The following DPP6 variants were observed in gnomAD, a reference collection of about 807,000 sequenced individuals.
DPP6 encodes the protein A-type potassium channel modulatory protein DPP6.
Under a neutral mutation model 122.6 loss-of-function variants are expected in DPP6, and 69 were observed. The ratio of observed to expected loss-of-function variants is 0.56; its 90% confidence interval spans 0.46 to 0.69. DPP6 has a LOEUF of 0.69. Among genes scored for constraint, DPP6 ranks in the 30% least tolerant of loss-of-function variants. DPP6 has a pLI of 0.00. For synonymous variants in DPP6, 418 were observed against 433.1 expected, an observed-to-expected ratio of 0.97 and a Z score of 0.43; for missense variants, 928 against 1,116.9, an observed-to-expected ratio of 0.83 and a Z score of 2.41.
intron 1 of DPP6, among the ~76,000 whole-genome samples, chr7:154,073,553 T>C (rs1803282429): frequency 6.6e-6 from 1 of 152,246 alleles, no homozygotes; most frequent in Non-Finnish European, 1.5e-5. Context: ...TACTTTTCTA[T>C]ACTTACCTTT....
chr7:154,430,677 A>G (rs975955034), intron 1 of DPP6, among the ~76,000 whole-genome samples: 4 of 152,152 alleles, frequency 2.6e-5, no homozygotes, highest in Admixed American at 6.5e-5. Flanking sequence ...TGGTGTTTGC[A>G]TAGGTCATGG....
At chr7:154,522,650 C>T (rs1334419710) in intron 3 of DPP6, among the ~76,000 whole-genome samples, 1 of 152,100 alleles carries the variant, frequency 6.6e-6, no homozygotes. Context: ...TTGCCTTCCT[C>T]TGACAATTTT....
intron 1 of DPP6, among the ~76,000 whole-genome samples, chr7:154,138,282 A>G (rs28397686): frequency 0.058 from 8,802 of 152,256 alleles, 838 homozygotes; most frequent in African/African-American, 0.2. Flanking sequence ...AACTAGTACT[A>G]TTTATGTAAA....
At chr7:153,793,664 C>T in the DPP6 span, among the ~76,000 whole-genome samples, 3 of 149,768 alleles carry the variant, frequency 2.0e-5, no homozygotes, top group Non-Finnish European at 4.5e-5. Flanking sequence ...GGGAAAATGT[C>T]TCCAGGCCAC....
At chr7:154,818,349 A>C (rs1018026803) in intron 16 of DPP6, among the ~76,000 whole-genome samples, 26 of 152,170 alleles carry the variant, frequency 1.7e-4, no homozygotes, top group African/African-American at 5.3e-4. Context: ...ATCCTTCCAG[A>C]GTGGCTCAGG....
At chr7:154,374,164 C>A (rs1405474597) in intron 1 of DPP6, among the ~76,000 whole-genome samples, 1 of 146,826 alleles carries the variant, frequency 6.8e-6, no homozygotes, top group Non-Finnish European at 1.5e-5. Flanking sequence ...TGGAGTTAGA[C>A]AGACTCCAGT....
At chr7:154,001,338 G>A (rs1467546617) in intron 1 of DPP6, among the ~76,000 whole-genome samples, 2 of 147,214 alleles carry the variant, frequency 1.4e-5, no homozygotes, top group East Asian at 2.0e-4. Flanking sequence ...CATCAATTAT[G>A]TATGTACTTA....
At position 154,894,083 on chromosome 7, in the gene DPP6, T is replaced by C. The variant is rs1806857749; in HGVS notation, c.*1603T>C. ...TTTAAAGGTGATTCACCACCATTTGTGAAAGGACCAACGTGCTGATAAACA... is the reference window on the plus strand; with the variant it reads ...TTTAAAGGTGATTCACCACCATTTGCGAAAGGACCAACGTGCTGATAAACA... On this transcript the variant is annotated 3_prime_UTR_variant, in exon 26 of 26. Coordinates refer to ENST00000377770, the MANE Select transcript of DPP6 (RefSeq NM_130797.4). The C allele has an allele frequency of 6.6e-6, 1 of 152,208 alleles. No homozygotes were observed. Among genetic ancestry groups the C allele is most frequent in the Admixed American group, 6.5e-5 (1 of 15,286 alleles). The allele number at this position is 152,208 out of a possible 1,614,324, so 9.4% of individuals were successfully genotyped here.
intron 1 of DPP6, among the ~76,000 whole-genome samples, chr7:154,019,195 G>C: frequency 6.6e-6 from 1 of 152,112 alleles, no homozygotes; most frequent in Non-Finnish European, 1.5e-5. Context: ...ACAGGGCCCT[G>C]CTTATTAAGA....
At chr7:154,308,306 G>A (rs1434422511) in intron 1 of DPP6, among the ~76,000 whole-genome samples, 2 of 105,822 alleles carry the variant, frequency 1.9e-5, no homozygotes, top group Admixed American at 9.6e-5. Context: ...TTTTTCTACC[G>A]TGTTTGCTAA....
intron 5 of DPP6, among the ~76,000 whole-genome samples, chr7:154,598,718 C>T (rs1292469954): frequency 6.6e-6 from 1 of 152,234 alleles, no homozygotes; most frequent in African/African-American, 2.4e-5. Flanking sequence ...GAACTCAGCG[C>T]TGCTGCAGTG....
chr7:153,781,441 T>C, the DPP6 span, among the ~76,000 whole-genome samples: 2 of 152,210 alleles, frequency 1.3e-5, no homozygotes, highest in African/African-American at 4.8e-5. Context: ...TAACTTGCTT[T>C]TTATCTGACT....
intron 3 of DPP6, among the ~76,000 whole-genome samples, chr7:154,537,782 G>A (rs1828381161): frequency 6.6e-6 from 1 of 151,816 alleles, no homozygotes; most frequent in African/African-American, 2.4e-5. Flanking sequence ...GAGGAGAGGA[G>A]AGGAGAGGGA....
intron 1 of DPP6, among the ~76,000 whole-genome samples, chr7:153,973,187 T>C (rs1183631180): frequency 1.3e-5 from 2 of 152,160 alleles, no homozygotes; most frequent in African/African-American, 4.8e-5. Flanking sequence ...TTCTGCTTTC[T>C]CGTTGTTGGT....
At chr7:153,945,119 ATGT>A (rs1801889095) in intron 1 of DPP6, among the ~76,000 whole-genome samples, 1 of 152,098 alleles carries the variant, frequency 6.6e-6, no homozygotes, top group African/African-American at 2.4e-5. Flanking sequence ...GCGTACACTC[ATGT>A]TGTAAATGAG....
intron 2 of DPP6, among the ~76,000 whole-genome samples, chr7:154,469,048 G>A (rs547489913): frequency 6.6e-6 from 1 of 152,210 alleles, no homozygotes; most frequent in South Asian, 2.1e-4. Flanking sequence ...CTGTTTGCTG[G>A]GCCCCTTAGA....
intron 1 of DPP6, among the ~76,000 whole-genome samples, chr7:154,070,479 A>T (rs1377625366): frequency 6.6e-6 from 1 of 152,182 alleles, no homozygotes; most frequent in Non-Finnish European, 1.5e-5. Context: ...TAAGTGTTTT[A>T]TGTGATCAGT....
At chr7:154,459,234 G>C (rs1459077825) in intron 2 of DPP6, among the ~76,000 whole-genome samples, 1 of 152,098 alleles carries the variant, frequency 6.6e-6, no homozygotes, top group Admixed American at 6.5e-5. Flanking sequence ...CTTACAATGT[G>C]TAAAGGTGTT....
intron 1 of DPP6, among the ~76,000 whole-genome samples, chr7:154,065,306 G>T (rs1802619913): frequency 7.5e-6 from 1 of 133,150 alleles, no homozygotes; most frequent in African/African-American, 3.0e-5. Flanking sequence ...ATCACTCTTT[G>T]AGGGCCCTGG....
Sources: gnomAD v4.1 joint callset for allele counts (sites outside exome capture counted in the v4.1 genomes callset) on GRCh38, gnomAD v4.1.1 for gene constraint, MANE v1.5 for transcripts, NCBI Gene and HGNC (gene_info 2026-07-23, HGNC 2026-07-21) for gene names.